DCC: variants seen among roughly 807,000 people sequenced by gnomAD.
DCC encodes the protein DCC netrin 1 receptor, also known as netrin receptor DCC.
Under a neutral mutation model 172.5 loss-of-function variants are expected in DCC, and 58 were observed. That is an observed-to-expected ratio of 0.34 (90% CI 0.27 to 0.42). DCC has a LOEUF of 0.42. DCC is among the 10% of genes least tolerant of loss of function. DCC has a pLI of 1.00. For synonymous variants in DCC, 709 were observed against 644.5 expected (o/e 1.10, Z -1.52); for missense variants, 1,740 against 1,791.0 (o/e 0.97, Z 0.51).
chr18:52,540,762 A>G (rs1339029157), intron 1 of DCC, among the ~76,000 whole-genome samples: 1 of 151,308 alleles, frequency 6.6e-6, no homozygotes, highest in Non-Finnish European at 1.5e-5. Flanking sequence ...GCCCGCCACC[A>G]CGCCCAGCTA....
chr18:52,519,573 G>C (rs960513178), intron 1 of DCC, among the ~76,000 whole-genome samples: 1 of 152,170 alleles, frequency 6.6e-6, no homozygotes, highest in Non-Finnish European at 1.5e-5. Flanking sequence ...GAAAGTAAGA[G>C]AGGAACAGGT....
chr18:53,130,153 A>G (rs1350490656), intron 7 of DCC, among the ~76,000 whole-genome samples: 2 of 152,130 alleles, frequency 1.3e-5, no homozygotes, highest in Non-Finnish European at 2.9e-5. Context: ...CTACCCATTC[A>G]TATTTAAAAG....
intron 5 of DCC, among the ~76,000 whole-genome samples, chr18:52,926,945 G>GT (rs1243018942): frequency 1.0e-4 from 7 of 67,042 alleles, no homozygotes; most frequent in Non-Finnish European, 1.8e-4. Flanking sequence ...AAACGTATAT[G>GT]ATATATACAC....
intron 9 of DCC, among the ~76,000 whole-genome samples, chr18:53,183,616 A>G (rs1259328232): frequency 6.6e-6 from 1 of 151,834 alleles, no homozygotes; most frequent in Non-Finnish European, 1.5e-5. Flanking sequence ...TACCTACAAA[A>G]CTCTTTTAGA....
chr18:53,358,972 TAGA>T (rs1449297598), intron 15 of DCC, among the ~76,000 whole-genome samples: 2 of 152,336 alleles, frequency 1.3e-5, no homozygotes, highest in Non-Finnish European at 2.9e-5. Flanking sequence ...ATGAGGTTGT[TAGA>T]AGATTTTTCC....
chr18:52,418,597 A>G (rs1987129151), intron 1 of DCC, among the ~76,000 whole-genome samples: 1 of 152,142 alleles, frequency 6.6e-6, no homozygotes, highest in South Asian at 2.1e-4. Flanking sequence ...TGGGGACAGA[A>G]GGTTGAGTCA....
intron 5 of DCC, among the ~76,000 whole-genome samples, chr18:52,971,081 G>GA (rs1417522669): frequency 1.3e-5 from 2 of 151,992 alleles, no homozygotes; most frequent in Non-Finnish European, 2.9e-5. Context: ...TTTTTACTTA[G>GA]AAAAAACATT....
intron 1 of DCC, among the ~76,000 whole-genome samples, chr18:52,643,123 GT>G (rs751510861): frequency 3.3e-5 from 5 of 152,158 alleles, no homozygotes; most frequent in Non-Finnish European, 7.4e-5. Context: ...ATGTTCTATA[GT>G]TAAAAAGCTT....
intron 15 of DCC, among the ~76,000 whole-genome samples, chr18:53,350,563 T>C (rs2057779671): frequency 7.6e-6 from 1 of 132,128 alleles, no homozygotes; most frequent in South Asian, 2.4e-4. Flanking sequence ...TGTAGATCCA[T>C]ATTTTTTGCC....
intron 1 of DCC, among the ~76,000 whole-genome samples, chr18:52,453,792 C>T (rs1488244252): frequency 6.6e-6 from 1 of 152,072 alleles, no homozygotes. Context: ...TTCCTTTCAT[C>T]TAATAACCTC....
rs552182769 is a variant in DCC, at chr18:53,158,538, T to C, written c.1418+1026T>C. On this transcript the variant is annotated intron_variant, in intron 8 of 28. Transcript: ENST00000442544. ...GACATATACATTGGATAAACCAAAG[T>C]GTTATTTAGTTCAAAATGGGACAGT... Among the ~76,000 whole-genome samples, 5 of 152,264 alleles carry C rather than the reference T, an allele frequency of 3.3e-5. No individual in the cohort carries two copies. The South Asian group carries it at 1.0e-3, about 32-fold the overall frequency.
chr18:52,391,387 T>C (rs909550627), intron 1 of DCC, among the ~76,000 whole-genome samples: 2 of 152,126 alleles, frequency 1.3e-5, no homozygotes, highest in African/African-American at 2.4e-5. Flanking sequence ...GATCCAATTT[T>C]ATTTTCCTCT....
chr18:52,538,192 CCAACTACCATCACACAA>C (rs1291697303), intron 1 of DCC, among the ~76,000 whole-genome samples: 1 of 152,178 alleles, frequency 6.6e-6, no homozygotes, highest in Non-Finnish European at 1.5e-5. Context: ...CTGCTTACCT[CCAACTACCATCACACAA>C]CTTGGGGCTC....
At chr18:52,837,382 C>G (rs1286766538) in intron 2 of DCC, among the ~76,000 whole-genome samples, 2 of 152,184 alleles carry the variant, frequency 1.3e-5, no homozygotes, top group African/African-American at 2.4e-5. Context: ...AACTTTTATG[C>G]TCTGCTGTTC....
At chr18:52,517,662 A>T (rs936456299) in intron 1 of DCC, among the ~76,000 whole-genome samples, 2 of 152,352 alleles carry the variant, frequency 1.3e-5, no homozygotes, top group Non-Finnish European at 2.9e-5. Context: ...GCTCAATGAA[A>T]TTACTAAAAA....
rs769981612 is a variant in DCC, at chr18:53,215,613, G to A, written c.1911+16G>A. The stretch of plus-strand genomic sequence containing the variant: ...CAATTCAAGAGTAAGTTGGCTAAAT[G>A]TTCACTACTCCATTACCTATCAAGA... On this transcript the variant is annotated intron_variant, in intron 12 of 28. Coordinates refer to ENST00000442544, the MANE Select transcript of DCC (RefSeq NM_005215.4). The A allele has an allele frequency of 5.6e-6, 9 of 1,602,844 alleles. No individual in the cohort carries two copies. The highest frequency in any genetic ancestry group is 7.7e-6 in the Non-Finnish European group (9 of 1,169,806).
chr18:52,547,114 A>T lies in DCC; in HGVS notation c.92-204940A>T, dbSNP rs536238018. 3.2e-4 allele frequency among the ~76,000 whole-genome samples: 48 copies of T among 152,232 alleles called. No homozygotes were observed. The South Asian group carries it at 3.7e-3, about 12-fold the overall frequency. ...TTAGGTAAACTTAGAATCCCTTTGA[A>T]ATGCTAATAAAATGTCACTGAATTT... is the stretch of plus-strand genomic sequence containing the variant. On this transcript the variant is annotated intron_variant, in intron 1 of 28. Transcript: ENST00000442544.
intron 27 of DCC, among the ~76,000 whole-genome samples, chr18:53,523,807 A>T (rs1414073675): frequency 1.3e-5 from 2 of 152,072 alleles, no homozygotes; most frequent in Non-Finnish European, 2.9e-5. Context: ...AATGTAGATG[A>T]CAGGTTGATG....
intron 2 of DCC, among the ~76,000 whole-genome samples, chr18:52,785,539 G>A (rs1017312138): frequency 6.6e-6 from 1 of 151,988 alleles, no homozygotes; most frequent in South Asian, 2.1e-4. Context: ...ATCATGTGGG[G>A]AAAAGCAGCT....
Sources: gnomAD v4.1 joint callset for allele counts (sites outside exome capture counted in the v4.1 genomes callset) on GRCh38, gnomAD v4.1.1 for gene constraint, MANE v1.5 for transcripts, NCBI Gene and HGNC (gene_info 2026-07-23, HGNC 2026-07-21) for gene names.